SMARCA4: variants seen among roughly 807,000 people sequenced by gnomAD.
The protein encoded by SMARCA4 is SWI/SNF-related matrix-associated actin-dependent regulator of chromatin subfamily A member 4.
A neutral mutation model predicts 193.9 loss-of-function variants in SMARCA4; 31 were observed. The ratio of observed to expected loss-of-function variants is 0.16; its 90% CI spans 0.12 to 0.22. The LOEUF is 0.22. SMARCA4 is among the 10% of genes least tolerant of loss of function. The pLI is 1.00. For synonymous variants in SMARCA4, 942 were observed against 933.1 expected (o/e 1.01, Z -0.17); for missense variants, 1,148 against 2,296.0 (o/e 0.50, Z 10.22).
intron 8 of SMARCA4, among the ~76,000 whole-genome samples, chr19:10,992,548 C>G (rs1346830934): frequency 1.3e-5 from 2 of 151,856 alleles, no homozygotes; most frequent in Admixed American, 1.3e-4. Context: ...CCTCAGCCTC[C>G]CAAGTAGTTG....
rs2147097819 is a variant in SMARCA4, at chr19:11,058,832, G to A, written c.4578G>A (p.Glu1526=). ...NHKYRSLNDL[E]KDVMLLCQNA... is the part of the protein sequence containing the mutation. ...AGTACCGCAGCCTCAACGACCTAGA[G>A]AAGGACGTCATGCTCCTGTGCCAGA... Residue 1526 remains glutamate, a synonymous_variant, in exon 32 of 35, where the codon GAG becomes GAA. Transcript: ENST00000344626. The surrounding 1 kb of genome is among the most constrained non-coding windows in gnomAD (Gnocchi z 5.8). 2 of 1,614,168 alleles carry A rather than the reference G, an allele frequency of 1.2e-6. No homozygotes were observed. Among genetic ancestry groups the A allele is most frequent in the Non-Finnish European group, 1.7e-6 (2 of 1,180,032 alleles).
chr19:11,045,949 T>C (rs1412332298), intron 30 of SMARCA4, among the ~76,000 whole-genome samples: 1 of 149,876 alleles, frequency 6.7e-6, no homozygotes, highest in Non-Finnish European at 1.5e-5. Context: ...AAAGTCTGGG[T>C]GTGGTGGCTC....
chr19:10,993,677 G>T (rs949814158), intron 8 of SMARCA4, among the ~76,000 whole-genome samples: 2 of 151,416 alleles, frequency 1.3e-5, no homozygotes, highest in African/African-American at 4.9e-5. Flanking sequence ...ACGGAGTCTC[G>T]CTCTGTCGCC....
rs777003762 is a variant in SMARCA4 at position 10,986,245 on chromosome 19, G to T, written c.412G>T (p.Gly138Cys). The change falls in exon 4 of 35, where the codon GGC becomes TGC. Residue 138 changes from glycine to cysteine, a missense_variant. Transcript: ENST00000344626. The surrounding 1 kb of genome is among the most constrained non-coding windows in gnomAD (Gnocchi z 6.7). ...EHASSPVPASGPSSGPQMSSG... is the reference protein window; with the variant it reads ...EHASSPVPASCPSSGPQMSSG... ...TGCCTCTAGTCCAGTTCCAGCCAGT[G>T]GCCCGTCTTCGGGGCCCCAGATGTC... 1 of 1,613,960 alleles carries T rather than the reference G, an allele frequency of 6.2e-7. No homozygotes were observed. The highest frequency in any genetic ancestry group is 8.5e-7 in the Non-Finnish European group (1 of 1,180,000).
At chr19:11,020,966 C>T (rs1260130650) in intron 18 of SMARCA4, 1 of 155,254 alleles carries the variant, frequency 6.4e-6, no homozygotes, top group South Asian at 2.0e-4. Context: ...CCTCAGCCTT[C>T]CGAGGACTGG....
Position 11,058,166 on chromosome 19 carries a change from C to T in SMARCA4, c.4425-89C>T, listed in dbSNP as rs1600628348. On this transcript the variant is annotated intron_variant, in intron 30 of 34. Transcript: ENST00000344626. The surrounding 1 kb of genome is among the most constrained non-coding windows in gnomAD (Gnocchi z 5.8). ...CCTGAGCTGAGTTGGAATTTCTCAT[C>T]CTTAAACAATGTGGGAACCTGCTGA... is the stretch of plus-strand genomic sequence containing the variant. The T allele has an allele frequency of 1.2e-5, 10 of 836,698 alleles. No individual in the cohort carries two copies. In the East Asian group the frequency reaches 1.5e-4, roughly 12 times the overall value. The allele number at this position is 836,698 out of a possible 1,614,324, so 51.8% of individuals were successfully genotyped here. A position where few individuals can be genotyped will look rare whatever the true frequency, so the allele number is the denominator to read the frequency against.
chr19:10,967,878 T>G (rs530693159), intron 1 of SMARCA4, among the ~76,000 whole-genome samples: 1 of 150,336 alleles, frequency 6.7e-6, no homozygotes, highest in East Asian at 2.0e-4. Context: ...AATTTTTATT[T>G]ATTTATTTAT....
intron 1 of SMARCA4, among the ~76,000 whole-genome samples, chr19:10,962,939 C>A (rs762313063): frequency 1.3e-5 from 2 of 152,146 alleles, no homozygotes; most frequent in Non-Finnish European, 2.9e-5. Context: ...GCTGTCACCC[C>A]CAGCACCGTG....
chr19:10,982,717 G>T (rs1183412102), intron 1 of SMARCA4, among the ~76,000 whole-genome samples: 1 of 151,998 alleles, frequency 6.6e-6, no homozygotes, highest in African/African-American at 2.4e-5. Flanking sequence ...TGTTACCCAG[G>T]ATGGTCTCGA....
chr19:10,982,783 C>T (rs1351943133), intron 1 of SMARCA4, among the ~76,000 whole-genome samples: 5 of 152,068 alleles, frequency 3.3e-5, no homozygotes, highest in Admixed American at 2.0e-4. Context: ...GGATTACAGG[C>T]GTGAGCCACC....
At chr19:11,025,775 GT>G (rs975611843) in intron 22 of SMARCA4, among the ~76,000 whole-genome samples, 1 of 152,214 alleles carries the variant, frequency 6.6e-6, no homozygotes, top group Non-Finnish European at 1.5e-5. Context: ...CTGGGGATGT[GT>G]CCCCCCACAG....
intron 34 of SMARCA4, among the ~76,000 whole-genome samples, chr19:11,061,205 ATATATATATATAT>A (rs2076868428): frequency 7.8e-5 from 3 of 38,530 alleles, no homozygotes; most frequent in South Asian, 8.2e-4. Context: ...AAAAAAAAAA[ATATATATATATAT>A]ATATATATAT....
At position 11,006,929 on chromosome 19, in the gene SMARCA4, G is replaced by A. The variant is rs771452435; in HGVS notation, c.2002-973G>A. Among the ~76,000 whole-genome samples, 186 of 151,170 alleles carry A rather than the reference G, an allele frequency of 1.2e-3. 1 individual carries two copies. The highest frequency in any genetic ancestry group is 2.0e-3 in the Non-Finnish European group (134 of 67,764). On this transcript the variant is annotated intron_variant, in intron 13 of 34. Transcript: ENST00000344626. ...GTGAGTCCCTGTCTCTACCAAAAAT[G>A]CAAAACAATTAGCCAAGTGTCATAG... is the stretch of plus-strand genomic sequence containing the variant.
chr19:11,036,042 G>A (rs926892127), intron 29 of SMARCA4, among the ~76,000 whole-genome samples: 3 of 152,192 alleles, frequency 2.0e-5, no homozygotes, highest in South Asian at 2.1e-4. Context: ...AAACAGCCCC[G>A]GTTCCCTCCT....
chr19:11,050,196 A>G (rs1351085358), intron 30 of SMARCA4, among the ~76,000 whole-genome samples: 2 of 152,364 alleles, frequency 1.3e-5, no homozygotes, highest in East Asian at 1.9e-4. Context: ...GAGGGGCACA[A>G]TGGCTGCAGA....
rs2075160155 is a variant in SMARCA4 at position 11,034,760 on chromosome 19, G to A, written c.3952-154G>A. On this transcript the variant is annotated intron_variant, in intron 28 of 34. Coordinates refer to ENST00000344626, the MANE Select transcript of SMARCA4 (RefSeq NM_003072.5). This position sits in a 1 kb window ranked among gnomAD's most constrained non-coding sequence, Gnocchi z 7.0. ...GGTCTGACGGAGCCAGGCCAGGTCAGCCACTGAAAAATCGAGAGCTACTGT... is the reference window on the plus strand; with the variant it reads ...GGTCTGACGGAGCCAGGCCAGGTCAACCACTGAAAAATCGAGAGCTACTGT... 6.6e-6 allele frequency among the ~76,000 whole-genome samples: 1 copy of A among 152,142 alleles called. No homozygotes were observed. The highest frequency in any genetic ancestry group is 1.5e-5 in the Non-Finnish European group (1 of 68,036).
At chr19:11,046,222 C>CAAAA (rs574819439) in intron 30 of SMARCA4, among the ~76,000 whole-genome samples, 1 of 83,594 alleles carries the variant, frequency 1.2e-5, no homozygotes, top group Non-Finnish European at 2.6e-5. Flanking sequence ...GACTCCGTCT[C>CAAAA]AAAAAAAAAA....
chr19:11,024,470 C>A (rs1265811368), intron 21 of SMARCA4, 32 bp downstream of exon 21: 1 of 1,404,144 alleles, frequency 7.1e-7, no homozygotes, highest in East Asian at 2.3e-5. Flanking sequence ...CTGCATTCCC[C>A]ACTGGGTGTC....
chr19:11,020,818 G>A (rs2089798362), intron 18 of SMARCA4: 1 of 152,198 alleles, frequency 6.6e-6, no homozygotes, highest in African/African-American at 2.4e-5. Context: ...TGTGAACTGG[G>A]TGTTTTCTTT....
Sources: gnomAD v4.1 joint callset for allele counts (sites outside exome capture counted in the v4.1 genomes callset) on GRCh38, gnomAD v4.1.1 for gene constraint, Gnocchi (gnomAD v3.1) non-coding constraint, MANE v1.5 for transcripts, NCBI Gene and HGNC (gene_info 2026-07-23, HGNC 2026-07-21) for gene names.